The following LOXL2 variants were observed in gnomAD, a reference collection of about 807,000 sequenced individuals.
LOXL2 encodes lysyl oxidase homolog 2.
LOXL2 carries 70 observed loss-of-function variants against 93.0 expected under a neutral mutation model. The observed-to-expected ratio is 0.75, with a 90% CI of 0.62 to 0.92. The LOEUF (loss-of-function observed/expected upper bound fraction) is 0.92. LOXL2 is among the 40% of genes least tolerant of loss of function. LOXL2 has a pLI of 0.00. For synonymous variants in LOXL2, 438 were observed against 413.2 expected (o/e 1.06, Z -0.73); for missense variants, 973 against 1,054.9 (o/e 0.92, Z 1.08).
At chr8:23,374,300 T>C (rs1379431733) in intron 1 of LOXL2, among the ~76,000 whole-genome samples, 1 of 152,164 alleles carries the variant, frequency 6.6e-6, no homozygotes, top group East Asian at 1.9e-4. Context: ...TATGGCTGCA[T>C]AGTATTCCAT....
intron 1 of LOXL2, among the ~76,000 whole-genome samples, chr8:23,375,005 C>T (rs954345103): frequency 2.0e-5 from 3 of 152,202 alleles, no homozygotes; most frequent in African/African-American, 7.2e-5. Flanking sequence ...GAGTTTTAGA[C>T]ATGAAGTCCT....
intron 1 of LOXL2, among the ~76,000 whole-genome samples, chr8:23,369,112 G>C (rs1804459208): frequency 6.6e-6 from 1 of 152,154 alleles, no homozygotes; most frequent in Non-Finnish European, 1.5e-5. Context: ...GGTGAGGGCA[G>C]GATGTTCAAC....
chr8:23,300,979 G>C (rs929533826), intron 12 of LOXL2, among the ~76,000 whole-genome samples: 1 of 152,240 alleles, frequency 6.6e-6, no homozygotes, highest in African/African-American at 2.4e-5. Context: ...GGGTGGAAAA[G>C]TGCTTGGCTG....
intron 3 of LOXL2, among the ~76,000 whole-genome samples, chr8:23,355,595 T>G (rs1260797286): frequency 6.9e-6 from 1 of 145,534 alleles, no homozygotes; most frequent in Non-Finnish European, 1.5e-5. Context: ...CCACTGCCGC[T>G]TCAAAGATTT....
chr8:23,301,269 C>T (rs554034122), intron 12 of LOXL2, among the ~76,000 whole-genome samples: 35 of 152,316 alleles, frequency 2.3e-4, no homozygotes, highest in Admixed American at 7.8e-4. Context: ...TACGTGTACC[C>T]GTGCACTGGG....
intron 3 of LOXL2, among the ~76,000 whole-genome samples, chr8:23,352,280 A>G (rs529546793): frequency 3.4e-4 from 51 of 151,996 alleles, no homozygotes; most frequent in African/African-American, 1.2e-3. Context: ...GGCACAAACT[A>G]CCCCCTGGCT....
chr8:23,368,435 C>A lies in LOXL2; in HGVS notation c.-83-1G>T. 1 of 1,188,196 alleles carries A rather than the reference C, an allele frequency of 8.4e-7. No homozygotes were observed. Among genetic ancestry groups the A allele is most frequent in the South Asian group, 1.2e-5 (1 of 80,584 alleles). The allele number at this position is 1,188,196 out of a possible 1,614,324, so 73.6% of individuals were successfully genotyped here. ...GGGGTACAGAAGCAGCAGGAGCTTT[C>A]TGGAAGAGAGGAGAGATGCGTTAGG... is the stretch of plus-strand genomic sequence containing the variant. On this transcript the variant is annotated splice_acceptor_variant, in intron 1 of 13. Coordinates refer to ENST00000389131, the MANE Select transcript of LOXL2 (RefSeq NM_002318.3). LOFTEE classifies it low-confidence loss of function (5UTR_SPLICE).
At chr8:23,318,311 C>T (rs1477542058) in intron 8 of LOXL2, among the ~76,000 whole-genome samples, 1 of 152,114 alleles carries the variant, frequency 6.6e-6, no homozygotes, top group Non-Finnish European at 1.5e-5. Context: ...GACCTGCCAG[C>T]CCCATAATTG....
chr8:23,332,271 TAC>T (rs61703452), intron 5 of LOXL2, among the ~76,000 whole-genome samples: 2 of 67,124 alleles, frequency 3.0e-5, no homozygotes, highest in African/African-American at 1.2e-4. Flanking sequence ...CACCCACACA[TAC>T]ACACAACCCA....
intron 1 of LOXL2, among the ~76,000 whole-genome samples, chr8:23,395,993 T>A (rs1439904460): frequency 6.6e-6 from 1 of 152,068 alleles, no homozygotes; most frequent in Non-Finnish European, 1.5e-5. Flanking sequence ...AATACACACA[T>A]AAACTCTTAG....
At position 23,302,021 on chromosome 8, in the gene LOXL2, C is replaced by G. The variant is rs1033258630; in HGVS notation, c.2133+6G>C. On this transcript the variant is annotated splice_donor_region_variant and intron_variant, in intron 12 of 13. Transcript: ENST00000389131. ...CAGGGCTGGAACCCCTTCCCACCCA[C>G]CTCACCTGGAACAGGTAGTCTCCAG... 2.5e-6 allele frequency: 4 copies of G among 1,614,056 alleles called. No homozygotes were observed. Among genetic ancestry groups the G allele is most frequent in the Non-Finnish European group, 2.5e-6 (3 of 1,179,926 alleles).
intron 1 of LOXL2, among the ~76,000 whole-genome samples, chr8:23,381,648 C>G (rs190188828): frequency 1.4e-4 from 22 of 152,190 alleles, no homozygotes; most frequent in Admixed American, 1.1e-3. Context: ...TGCCTTATAC[C>G]CCTTTTTCTA....
At chr8:23,352,485 G>A (rs2117196079) in intron 3 of LOXL2, among the ~76,000 whole-genome samples, 1 of 152,302 alleles carries the variant, frequency 6.6e-6, no homozygotes, top group African/African-American at 2.4e-5. Context: ...ATTCCTGGCT[G>A]GGAAGGGTTC....
At chr8:23,381,796 C>G (rs541825181) in intron 1 of LOXL2, among the ~76,000 whole-genome samples, 1 of 152,330 alleles carries the variant, frequency 6.6e-6, no homozygotes, top group East Asian at 1.9e-4. Context: ...CGAGGCCATG[C>G]CAGGCTCCAT....
intron 9 of LOXL2, among the ~76,000 whole-genome samples, chr8:23,313,958 C>CAAAG (rs1803353661): frequency 1.1e-5 from 1 of 88,874 alleles, no homozygotes; most frequent in Non-Finnish European, 2.6e-5. Context: ...AAGAAAAAAA[C>CAAAG]AACCCCATCA....
intron 1 of LOXL2, among the ~76,000 whole-genome samples, chr8:23,369,198 G>A (rs981984447): frequency 1.3e-5 from 2 of 152,146 alleles, no homozygotes; most frequent in African/African-American, 2.4e-5. Flanking sequence ...TAATTTTCCC[G>A]TCAGCTTTGA....
intron 7 of LOXL2, 106 bp downstream of exon 7, chr8:23,322,024 G>A: frequency 2.4e-5 from 30 of 1,233,270 alleles, no homozygotes; most frequent in Non-Finnish European, 3.4e-5. Context: ...GTCTGCAGCA[G>A]TACTAGCAGC....
rs556508777 is a variant in LOXL2, at chr8:23,296,983, C to G, written c.*1060G>C. ...TGTGATCTCCTTAGATTGCTTCTCC[C>G]AGATGGTAGGAGCTGCCCCTTTTGG... On this transcript the variant is annotated 3_prime_UTR_variant, in exon 14 of 14. Coordinates refer to ENST00000389131, the MANE Select transcript of LOXL2 (RefSeq NM_002318.3). Among the ~76,000 whole-genome samples the G allele has an allele frequency of 7.1e-4, 108 of 152,182 alleles. No individual in the cohort carries two copies. Among genetic ancestry groups the G allele is most frequent in the Non-Finnish European group, 1.2e-3 (80 of 68,042 alleles).
At chr8:23,321,538 AG>A (rs2117159524) in intron 7 of LOXL2, among the ~76,000 whole-genome samples, 1 of 152,254 alleles carries the variant, frequency 6.6e-6, no homozygotes, top group South Asian at 2.1e-4. Flanking sequence ...GTGACAATGG[AG>A]CGTATGGGAC....
Sources: gnomAD v4.1 joint callset for allele counts (sites outside exome capture counted in the v4.1 genomes callset) on GRCh38, gnomAD v4.1.1 for gene constraint, MANE v1.5 for transcripts, NCBI Gene and HGNC (gene_info 2026-07-23, HGNC 2026-07-21) for gene names.